Variants in TMEM132D observed in about 807,000 individuals in gnomAD.
TMEM132D encodes mature OL transmembrane protein.
In TMEM132D, 21 loss-of-function variants were observed where a neutral mutation model predicts 62.3. That is an observed-to-expected ratio of 0.34 (90% CI 0.24 to 0.49). The LOEUF (loss-of-function observed/expected upper bound fraction) is 0.49. Among genes scored for constraint, TMEM132D ranks in the 20% least tolerant of loss-of-function variants. TMEM132D has a pLI of 0.99. For synonymous variants in TMEM132D, 621 were observed against 575.6 expected (o/e 1.08, Z -1.13); for missense variants, 1,346 against 1,402.8 (o/e 0.96, Z 0.65).
chr12:129,276,075 C>G (rs760925950), intron 4 of TMEM132D, among the ~76,000 whole-genome samples: 5 of 152,128 alleles, frequency 3.3e-5, no homozygotes, highest in Non-Finnish European at 7.3e-5. Flanking sequence ...AAGACAGAAG[C>G]AGGTCTTCCA....
chr12:129,625,500 T>A (rs1879189141), intron 2 of TMEM132D, among the ~76,000 whole-genome samples: 2 of 152,194 alleles, frequency 1.3e-5, no homozygotes, highest in South Asian at 4.1e-4. Flanking sequence ...AAGCCCAGAA[T>A]TTTTCTCCTG....
chr12:129,329,090 C>T (rs1869017878), intron 4 of TMEM132D, among the ~76,000 whole-genome samples: 1 of 151,476 alleles, frequency 6.6e-6, no homozygotes, highest in African/African-American at 2.4e-5. Flanking sequence ...AATCCTGCTG[C>T]TGCAGGTACC....
intron 1 of TMEM132D, among the ~76,000 whole-genome samples, chr12:129,833,048 C>A (rs1317165129): frequency 6.6e-6 from 1 of 152,178 alleles, no homozygotes; most frequent in Non-Finnish European, 1.5e-5. Context: ...TGCCTCTGGC[C>A]GATGTCCAGA....
intron 1 of TMEM132D, among the ~76,000 whole-genome samples, chr12:129,789,963 T>A (rs1282473777): frequency 6.6e-6 from 1 of 152,238 alleles, no homozygotes; most frequent in Non-Finnish European, 1.5e-5. Flanking sequence ...TATGGTATTA[T>A]GATCATGAAG....
At chr12:129,776,282 C>T (rs1870919782) in intron 1 of TMEM132D, among the ~76,000 whole-genome samples, 1 of 152,138 alleles carries the variant, frequency 6.6e-6, no homozygotes, top group African/African-American at 2.4e-5. Flanking sequence ...TGAGAGTAAA[C>T]ACTGCCCCTG....
At chr12:129,589,376 C>T (rs1168029022) in intron 2 of TMEM132D, among the ~76,000 whole-genome samples, 1 of 152,128 alleles carries the variant, frequency 6.6e-6, no homozygotes, top group Admixed American at 6.6e-5. Flanking sequence ...GTCCATTAAA[C>T]CTCTTTTTCT....
chr12:129,582,274 T>C (rs1877886516), intron 2 of TMEM132D, among the ~76,000 whole-genome samples: 1 of 152,180 alleles, frequency 6.6e-6, no homozygotes, highest in African/African-American at 2.4e-5. Context: ...TCTCTCAACG[T>C]TGTTGGGTAT....
At chr12:129,295,083 A>G (rs1881535122) in intron 4 of TMEM132D, among the ~76,000 whole-genome samples, 1 of 152,186 alleles carries the variant, frequency 6.6e-6, no homozygotes, top group South Asian at 2.1e-4. Context: ...GAAGGCTTAC[A>G]TAGAACAAAA....
intron 1 of TMEM132D, among the ~76,000 whole-genome samples, chr12:129,812,089 C>A (rs908146592): frequency 2.0e-5 from 3 of 151,808 alleles, no homozygotes; most frequent in Non-Finnish European, 4.4e-5. Flanking sequence ...TGTTACACAA[C>A]AATAGAAAAC....
chr12:129,420,669 G>C (rs1204263162), intron 3 of TMEM132D, among the ~76,000 whole-genome samples: 1 of 152,096 alleles, frequency 6.6e-6, no homozygotes, highest in Non-Finnish European at 1.5e-5. Flanking sequence ...CCCAACCAAC[G>C]CTCAGCAAGC....
At chr12:129,838,879 A>G (rs1169687850) in intron 1 of TMEM132D, among the ~76,000 whole-genome samples, 3 of 151,970 alleles carry the variant, frequency 2.0e-5, no homozygotes, top group Admixed American at 2.0e-4. Context: ...ACACTGCTAT[A>G]TTCCATTTAG....
intron 3 of TMEM132D, among the ~76,000 whole-genome samples, chr12:129,483,632 T>C (rs1874492453): frequency 6.6e-6 from 1 of 152,212 alleles, no homozygotes; most frequent in African/African-American, 2.4e-5. Context: ...TCATTTTGAG[T>C]GAACACAAAC....
chr12:129,525,728 T>C (rs1175690953), intron 3 of TMEM132D, among the ~76,000 whole-genome samples: 3 of 152,178 alleles, frequency 2.0e-5, no homozygotes, highest in African/African-American at 7.2e-5. Flanking sequence ...CAGACAGACA[T>C]CACTGCGACG....
At chr12:129,720,048 G>A (rs1378866198) in intron 1 of TMEM132D, among the ~76,000 whole-genome samples, 1 of 152,096 alleles carries the variant, frequency 6.6e-6, no homozygotes, top group African/African-American at 2.4e-5. Flanking sequence ...CCAAGTCTCG[G>A]AGTTGCCCTA....
chr12:129,119,983 G>T (rs1394672240), intron 5 of TMEM132D, among the ~76,000 whole-genome samples: 3 of 152,198 alleles, frequency 2.0e-5, no homozygotes, highest in Admixed American at 2.0e-4. Context: ...GAAAAACCTA[G>T]GCTAAGGGTA....
chr12:129,220,476 G>T (rs1879318516), intron 4 of TMEM132D, among the ~76,000 whole-genome samples: 1 of 152,174 alleles, frequency 6.6e-6, no homozygotes, highest in Non-Finnish European at 1.5e-5. Flanking sequence ...AAAGTACCTT[G>T]TGGGGATGAG....
chr12:129,149,363 C>T (rs1353300666), intron 5 of TMEM132D, among the ~76,000 whole-genome samples: 3 of 152,036 alleles, frequency 2.0e-5, no homozygotes, highest in African/African-American at 7.2e-5. Context: ...CCTGCACGTT[C>T]TGCACGTGTA....
rs1874916086 is a variant in TMEM132D at position 129,495,227 on chromosome 12, A to AGCCTTAC, written c.1115+35831_1115+35832insGTAAGGC. Reference sequence around the variant, plus strand: ...AAACAAGAGATCAAAGCCAATGTTAATAATTTCAAGGATATAAGCAACCCA... The same window carrying AGCCTTAC: ...AAACAAGAGATCAAAGCCAATGTTAAGCCTTACTAATTTCAAGGATATAAGCAACCCA... On this transcript the variant is annotated intron_variant, in intron 3 of 8. Coordinates refer to ENST00000422113, the MANE Select transcript of TMEM132D (RefSeq NM_133448.3). Among the ~76,000 whole-genome samples, 3 of 151,978 alleles carry AGCCTTAC rather than the reference A, an allele frequency of 2.0e-5. No homozygotes were observed. In the South Asian group the frequency reaches 6.2e-4, roughly 32 times the overall value.
intron 5 of TMEM132D, among the ~76,000 whole-genome samples, chr12:129,176,567 C>T (rs1877912357): frequency 6.6e-6 from 1 of 152,182 alleles, no homozygotes; most frequent in East Asian, 1.9e-4. Flanking sequence ...GACTCCTTGC[C>T]TCCTGGGATT....
Sources: gnomAD v4.1 joint callset for allele counts (sites outside exome capture counted in the v4.1 genomes callset) on GRCh38, gnomAD v4.1.1 for gene constraint, MANE v1.5 for transcripts, NCBI Gene and HGNC (gene_info 2026-07-23, HGNC 2026-07-21) for gene names.